Variants in GPR137B observed in about 807,000 individuals in gnomAD.
The protein encoded by GPR137B is G protein-coupled receptor 137B, also known as integral membrane protein GPR137B.
GPR137B carries 42 observed loss-of-function variants against 42.5 expected under a neutral mutation model. The ratio of observed to expected loss-of-function variants is 0.99; its 90% CI spans 0.77 to 1.28. The LOEUF is 1.28. Among genes scored for constraint, GPR137B ranks in the 50% most tolerant of loss-of-function variants. The pLI is 0.00. For synonymous variants in GPR137B, 218 were observed against 209.7 expected (o/e 1.04, Z -0.34); for missense variants, 487 against 493.9 (o/e 0.99, Z 0.13).
chr1:236,185,042 C>T (rs563969789), intron 5 of GPR137B, among the ~76,000 whole-genome samples: 1 of 152,312 alleles, frequency 6.6e-6, no homozygotes, highest in African/African-American at 2.4e-5. Flanking sequence ...GCTGGGATTA[C>T]AGGCGTGGGC....
rs1475802872 is a variant in GPR137B at position 236,178,432 on chromosome 1, C to T, written c.483C>T (p.Ala161=). 1.2e-6 allele frequency: 2 copies of T among 1,613,324 alleles called. No homozygotes were observed. The highest frequency in any genetic ancestry group is 1.3e-5 in the African/African-American group (1 of 74,872). ...CTTCCAGGTTGCCCCTCTACCTGGC[C>T]TCCCTCTTCATCAGCCTTGTTTTCC... ...LLKYRLPLYL[A]SLFISLVFLL... Residue 161 remains alanine (A), a synonymous_variant, in exon 3 of 7, where the codon GCC becomes GCT. Coordinates refer to ENST00000366592, the MANE Select transcript of GPR137B (RefSeq NM_003272.4).
chr1:236,151,417 C>CCTTTTTTTTTTTTTTTTTTTT (rs1405128961), intron 1 of GPR137B, among the ~76,000 whole-genome samples: 1 of 126,570 alleles, frequency 7.9e-6, no homozygotes, highest in African/African-American at 3.0e-5. Context: ...GTTGCATATT[C>CCTTTTTTTTTTTTTTTTTTTT]ATTTTTTTTT....
intron 4 of GPR137B, among the ~76,000 whole-genome samples, chr1:236,180,586 C>T (rs1662841792): frequency 1.3e-5 from 2 of 151,762 alleles, no homozygotes; most frequent in Non-Finnish European, 2.9e-5. Context: ...TACACACATA[C>T]TTTGCACTCC....
At chr1:236,196,689 A>G (rs1233786273) in intron 5 of GPR137B, among the ~76,000 whole-genome samples, 1 of 152,164 alleles carries the variant, frequency 6.6e-6, no homozygotes, top group Non-Finnish European at 1.5e-5. Flanking sequence ...GCTCCTGCTT[A>G]TAAGTGAGAA....
At position 236,156,189 on chromosome 1, in the gene GPR137B, C is replaced by T. The variant is rs914075986; in HGVS notation, c.415-12517C>T. Among the ~76,000 whole-genome samples, 7 of 152,214 alleles carry T rather than the reference C, an allele frequency of 4.6e-5. No homozygotes were observed. Among genetic ancestry groups the T allele is most frequent in the African/African-American group, 1.7e-4 (7 of 41,468 alleles). Reference sequence around the variant, plus strand: ...AGCTCACTGAAGTCTGGGGGGCCCACATTCCAAGGGCCAGCACGAGGCCAG... The same window carrying T: ...AGCTCACTGAAGTCTGGGGGGCCCATATTCCAAGGGCCAGCACGAGGCCAG... On this transcript the variant is annotated intron_variant, in intron 1 of 6. Coordinates refer to ENST00000366592, the MANE Select transcript of GPR137B (RefSeq NM_003272.4). This position sits in a 1 kb window ranked among gnomAD's most constrained non-coding sequence, Gnocchi z 4.8.
At chr1:236,200,697 C>A (rs1663468999) in intron 5 of GPR137B, among the ~76,000 whole-genome samples, 1 of 151,920 alleles carries the variant, frequency 6.6e-6, no homozygotes, top group African/African-American at 2.4e-5. Context: ...CATGGAATAT[C>A]TTTTTCCACC....
At chr1:236,169,172 CTGCAGGTGCAGGTGCAGG>C (rs879888159) in intron 2 of GPR137B, among the ~76,000 whole-genome samples, 14 of 148,812 alleles carry the variant, frequency 9.4e-5, no homozygotes, top group Middle Eastern at 3.5e-3. Flanking sequence ...CATGCTCCCA[CTGCAGGTGCAGGTGCAGG>C]TGCAGGTGCA....
intron 1 of GPR137B, among the ~76,000 whole-genome samples, chr1:236,159,845 C>T (rs1313128730): frequency 2.6e-5 from 4 of 152,222 alleles, no homozygotes; most frequent in Non-Finnish European, 4.4e-5. Context: ...GGGCACAAGT[C>T]GCCCACAGGT....
At chr1:236,147,199 A>G (rs925680877) in intron 1 of GPR137B, among the ~76,000 whole-genome samples, 1 of 152,230 alleles carries the variant, frequency 6.6e-6, no homozygotes, top group Non-Finnish European at 1.5e-5. Flanking sequence ...GGCTTGGTGC[A>G]GAGGGTGTGC....
intron 1 of GPR137B, among the ~76,000 whole-genome samples, chr1:236,151,906 A>G (rs1661878700): frequency 6.6e-6 from 1 of 152,136 alleles, no homozygotes; most frequent in African/African-American, 2.4e-5. Flanking sequence ...GTCAGAGGTC[A>G]TGTTGTCCCA....
chr1:236,199,967 A>G (rs1380356834), intron 5 of GPR137B, among the ~76,000 whole-genome samples: 1 of 151,834 alleles, frequency 6.6e-6, no homozygotes, highest in Non-Finnish European at 1.5e-5. Flanking sequence ...GTGCTCTTCC[A>G]GACTTTTTTG....
At chr1:236,164,369 G>T (rs1277738400) in intron 1 of GPR137B, among the ~76,000 whole-genome samples, 1 of 152,210 alleles carries the variant, frequency 6.6e-6, no homozygotes, top group Non-Finnish European at 1.5e-5. Flanking sequence ...ACACTGAGCA[G>T]GAGGTGCCCG....
chr1:236,168,093 A>G (rs1190480844), intron 1 of GPR137B, among the ~76,000 whole-genome samples: 1 of 151,934 alleles, frequency 6.6e-6, no homozygotes, highest in African/African-American at 2.4e-5. Flanking sequence ...GTGCCAGCAA[A>G]AATTCTAATA....
At chr1:236,178,081 C>T (rs1344827035) in intron 2 of GPR137B, among the ~76,000 whole-genome samples, 1 of 152,092 alleles carries the variant, frequency 6.6e-6, no homozygotes, top group African/African-American at 2.4e-5. Flanking sequence ...TGTCAGAATG[C>T]CTATAAAACG....
chr1:236,163,961 A>C (rs1662271750), intron 1 of GPR137B, among the ~76,000 whole-genome samples: 1 of 139,622 alleles, frequency 7.2e-6, no homozygotes, highest in Non-Finnish European at 1.5e-5. Flanking sequence ...CACCTCCCAC[A>C]CCTCCCCATG....
Position 236,159,825 on chromosome 1 carries a change from G to A in GPR137B, c.415-8881G>A, listed in dbSNP as rs368129081. Among the ~76,000 whole-genome samples, 23 of 152,338 alleles carry A rather than the reference G, an allele frequency of 1.5e-4. 1 individual carries two copies. Among genetic ancestry groups the A allele is most frequent in the African/African-American group, 5.3e-4 (22 of 41,572 alleles). Reference sequence around the variant, plus strand: ...CCGAAAGGATGGGGTGAAGGCCTGGGTTACCAAGGGGGCACAAGTCGCCCA... The same window carrying A: ...CCGAAAGGATGGGGTGAAGGCCTGGATTACCAAGGGGGCACAAGTCGCCCA... On this transcript the variant is annotated intron_variant, in intron 1 of 6. Transcript: ENST00000366592.
chr1:236,201,068 T>C (rs1205870563), intron 5 of GPR137B, among the ~76,000 whole-genome samples: 3 of 152,046 alleles, frequency 2.0e-5, no homozygotes, highest in African/African-American at 4.8e-5. Flanking sequence ...GAAGACTTTG[T>C]ATCTTTTCCT....
At chr1:236,198,816 G>A (rs1391725246) in intron 5 of GPR137B, among the ~76,000 whole-genome samples, 2 of 152,072 alleles carry the variant, frequency 1.3e-5, no homozygotes, top group African/African-American at 4.8e-5. Context: ...AGTCTTTAGG[G>A]TTTTCTAGGT....
intron 5 of GPR137B, among the ~76,000 whole-genome samples, chr1:236,190,012 A>T (rs1446823914): frequency 1.3e-5 from 2 of 152,082 alleles, no homozygotes; most frequent in African/African-American, 4.8e-5. Context: ...TTGGGTGCAT[A>T]TATATTTAGG....
Sources: gnomAD v4.1 joint callset for allele counts (sites outside exome capture counted in the v4.1 genomes callset) on GRCh38, gnomAD v4.1.1 for gene constraint, Gnocchi (gnomAD v3.1) non-coding constraint, MANE v1.5 for transcripts, NCBI Gene and HGNC (gene_info 2026-07-23, HGNC 2026-07-21) for gene names.